The following CNTNAP2 variants were observed in gnomAD, a reference collection of about 807,000 sequenced individuals.
CNTNAP2 encodes contactin associated protein 2.
A neutral mutation model predicts 155.2 loss-of-function variants in CNTNAP2; 98 were observed. The observed-to-expected ratio is 0.63, with a 90% CI of 0.54 to 0.75. The LOEUF is 0.75. CNTNAP2 is among the 30% of genes least tolerant of loss of function. CNTNAP2 has a pLI of 0.00. For missense variants in CNTNAP2, 1,727 were observed against 1,688.1 expected (o/e 1.02, Z -0.40); for synonymous variants, 651 against 631.2 (o/e 1.03, Z -0.47).
intron 15 of CNTNAP2, among the ~76,000 whole-genome samples, chr7:148,081,391 C>A (rs1296067348): frequency 2.0e-5 from 3 of 152,016 alleles, no homozygotes; most frequent in African/African-American, 4.8e-5. Context: ...AAAAGGCCGA[C>A]CCACCCTTAA....
Position 147,300,278 on chromosome 7 carries a change from T to C in CNTNAP2, c.1486T>C (p.Tyr496His). Residue 496 changes from tyrosine to histidine, a missense_variant, in exon 9 of 24, where the codon TAC becomes CAC. By Grantham distance (83) the Tyr-to-His change is moderately conservative. Transcript: ENST00000361727. Reference protein sequence around the residue: ...SPLQVKTGEKYFFGGFLNQMN... With the variant: ...SPLQVKTGEKHFFGGFLNQMN... ...CCTTCAAGTTAAAACTGGCGAGAAG[T>C]ACTTTTTTGGAGGTAAGAATGCCAT... The C allele has an allele frequency of 6.2e-7, 1 of 1,613,848 alleles. No individual in the cohort carries two copies. Among genetic ancestry groups the C allele is most frequent in the South Asian group, 1.1e-5 (1 of 91,084 alleles).
rs138248108 is a variant in CNTNAP2, at chr7:147,860,969, T to C, written c.2099-42596T>C. ...GATACTGACCCACTGTTTGCTTTCCTGTAGCTTTTCCTCAAGTGGATAAAA... is the reference window on the plus strand; with the variant it reads ...GATACTGACCCACTGTTTGCTTTCCCGTAGCTTTTCCTCAAGTGGATAAAA... On this transcript the variant is annotated intron_variant, in intron 13 of 23. Transcript: ENST00000361727. 3.1e-3 allele frequency among the ~76,000 whole-genome samples: 474 copies of C among 152,342 alleles called. 7 individuals are homozygous for C. Among genetic ancestry groups the C allele is most frequent in the Admixed American group, 0.028 (435 of 15,302 alleles).
intron 1 of CNTNAP2, among the ~76,000 whole-genome samples, chr7:146,388,285 A>T (rs1795489566): frequency 6.6e-6 from 1 of 151,844 alleles, no homozygotes; most frequent in Non-Finnish European, 1.5e-5. Flanking sequence ...AATGCAAAAA[A>T]TTAGCTAGGC....
chr7:146,861,271 T>C (rs1795093844), intron 3 of CNTNAP2, among the ~76,000 whole-genome samples: 1 of 152,144 alleles, frequency 6.6e-6, no homozygotes, highest in African/African-American at 2.4e-5. Flanking sequence ...CAGGCTGGTC[T>C]TGAATTCCTG....
intron 3 of CNTNAP2, among the ~76,000 whole-genome samples, chr7:146,902,750 C>T (rs1207668466): frequency 3.9e-5 from 6 of 152,210 alleles, no homozygotes; most frequent in African/African-American, 1.4e-4. Flanking sequence ...ATGAGCTGCT[C>T]CTCACTTTCT....
At chr7:146,655,062 A>G (rs1799973092) in intron 1 of CNTNAP2, among the ~76,000 whole-genome samples, 6 of 152,158 alleles carry the variant, frequency 3.9e-5, no homozygotes, top group Admixed American at 3.9e-4. Flanking sequence ...TAAATTTATA[A>G]GCCTAGTTTA....
chr7:147,805,197 G>C (rs1584964854), intron 13 of CNTNAP2, among the ~76,000 whole-genome samples: 1 of 151,798 alleles, frequency 6.6e-6, no homozygotes, highest in East Asian at 1.9e-4. Context: ...TCAGCCTTCT[G>C]AGTAGCTGGG....
intron 11 of CNTNAP2, among the ~76,000 whole-genome samples, chr7:147,545,672 G>A (rs1037486657): frequency 9.2e-5 from 14 of 152,156 alleles, no homozygotes; most frequent in African/African-American, 3.1e-4. Context: ...TGGTTAGTCT[G>A]TTCCTCAGCT....
chr7:146,537,494 C>T (rs1409265024), intron 1 of CNTNAP2, among the ~76,000 whole-genome samples: 2 of 151,950 alleles, frequency 1.3e-5, no homozygotes, highest in South Asian at 2.1e-4. Flanking sequence ...ATGCGAGTCA[C>T]AGTCTAGTAG....
intron 4 of CNTNAP2, among the ~76,000 whole-genome samples, chr7:147,080,604 TG>T (rs1386369429): frequency 2.7e-4 from 40 of 147,782 alleles, no homozygotes; most frequent in Non-Finnish European, 3.0e-4. Flanking sequence ...TGTAATTGTA[TG>T]GTAGCATAGA....
At chr7:147,163,068 G>A (rs1040276452) in intron 8 of CNTNAP2, among the ~76,000 whole-genome samples, 4 of 152,122 alleles carry the variant, frequency 2.6e-5, no homozygotes, top group African/African-American at 7.2e-5. Context: ...AGGAAAGGGT[G>A]AAGGAAAGCC....
intron 4 of CNTNAP2, among the ~76,000 whole-genome samples, chr7:147,075,783 C>T (rs1034194765): frequency 6.6e-6 from 1 of 152,024 alleles, no homozygotes; most frequent in African/African-American, 2.4e-5. Flanking sequence ...CCTCCCCCTT[C>T]CCCCTACCCC....
At chr7:147,111,828 A>G (rs1200308835) in intron 5 of CNTNAP2, among the ~76,000 whole-genome samples, 1 of 152,024 alleles carries the variant, frequency 6.6e-6, no homozygotes, top group African/African-American at 2.4e-5. Flanking sequence ...CTTTTTTCTT[A>G]GGATTGTGTT....
At chr7:147,124,016 T>G (rs1009869743) in intron 6 of CNTNAP2, among the ~76,000 whole-genome samples, 1 of 152,132 alleles carries the variant, frequency 6.6e-6, no homozygotes, top group Non-Finnish European at 1.5e-5. Context: ...CACTCCAGCT[T>G]GGGCAAAAAG....
At chr7:146,481,778 A>T (rs1171829193) in intron 1 of CNTNAP2, among the ~76,000 whole-genome samples, 3 of 152,188 alleles carry the variant, frequency 2.0e-5, no homozygotes, top group African/African-American at 7.2e-5. Context: ...ACCAAGATCC[A>T]GTGGGCTACA....
chr7:148,088,731 A>T (rs1246361101), intron 15 of CNTNAP2, among the ~76,000 whole-genome samples: 1 of 152,018 alleles, frequency 6.6e-6, no homozygotes, highest in Non-Finnish European at 1.5e-5. Context: ...TCTACCAAAC[A>T]TTTAAAGGAT....
Position 146,812,858 on chromosome 7 carries a change from G to A in CNTNAP2, c.209-26853G>A, listed in dbSNP as rs540466756. Among the ~76,000 whole-genome samples the A allele has an allele frequency of 2.0e-3, 304 of 152,252 alleles. 1 individual carries two copies. Among genetic ancestry groups the A allele is most frequent in the African/African-American group, 7.0e-3 (289 of 41,556 alleles). Reference sequence around the variant, plus strand: ...GGGTCCCCCTGCTCTGTGCAGCCTCGGGAGATGGTGCCCTATGTCTCAGCT... The same window carrying A: ...GGGTCCCCCTGCTCTGTGCAGCCTCAGGAGATGGTGCCCTATGTCTCAGCT... On this transcript the variant is annotated intron_variant, in intron 2 of 23. Coordinates refer to ENST00000361727, the MANE Select transcript of CNTNAP2 (RefSeq NM_014141.6).
Position 146,774,322 on chromosome 7 carries a change from G to A in CNTNAP2, c.149G>A (p.Ser50Asn). 2 of 1,613,970 alleles carry A rather than the reference G, an allele frequency of 1.2e-6. No individual in the cohort carries two copies. Among genetic ancestry groups the A allele is most frequent in the Admixed American group, 1.7e-5 (1 of 60,014 alleles). The stretch of plus-strand genomic sequence containing the variant: ...GGACTCCCCCATGTGGCTTTCAGCA[G>A]CTCCTCCTCCATCTCTGGTAGCTAT... ...VSGLPHVAFSSSSSISGSYSP... is the reference protein window; with the variant it reads ...VSGLPHVAFSNSSSISGSYSP... Residue 50 changes from serine (S) to asparagine (N), a missense_variant, in exon 2 of 24, where the codon AGC (serine) becomes AAC (asparagine). Transcript: ENST00000361727.
chr7:146,398,230 T>C (rs1795662024), intron 1 of CNTNAP2, among the ~76,000 whole-genome samples: 1 of 148,026 alleles, frequency 6.8e-6, no homozygotes, highest in Admixed American at 6.8e-5. Flanking sequence ...ATTAGTTCGT[T>C]CTCCCACTGC....
Sources: allele counts gnomAD v4.1 joint callset (sites outside exome capture counted in the v4.1 genomes callset), GRCh38; gene constraint gnomAD v4.1.1; transcripts MANE v1.5; gene names NCBI Gene and HGNC (gene_info 2026-07-23, HGNC 2026-07-21).